Variants in C3orf70 observed in about 807,000 individuals in gnomAD.
C3orf70 encodes the protein UPF0524 protein C3orf70.
Under a neutral mutation model 20.7 loss-of-function variants are expected in C3orf70, and 15 were observed. That is an observed-to-expected ratio of 0.72 (90% CI 0.48 to 1.11). C3orf70 has a LOEUF of 1.11. Among genes scored for constraint, C3orf70 ranks in the 50% most tolerant of loss-of-function variants. The probability of loss-of-function intolerance (pLI) is 0.00; values close to 1 mark genes in which losing one functional copy is unlikely to be tolerated. For missense variants in C3orf70, 332 were observed against 317.6 expected, an observed-to-expected ratio of 1.05 and a Z score of -0.34; for synonymous variants, 161 against 125.7, an observed-to-expected ratio of 1.28 and a Z score of -1.88.
At chr3:185,137,975 G>A (rs1716661579) in intron 1 of C3orf70, among the ~76,000 whole-genome samples, 1 of 152,086 alleles carries the variant, frequency 6.6e-6, no homozygotes, top group Non-Finnish European at 1.5e-5. Context: ...TCTTTTAAAA[G>A]GTCAATGAAG....
chr3:185,100,187 G>A (rs145154937), intron 1 of C3orf70, among the ~76,000 whole-genome samples: 36 of 152,210 alleles, frequency 2.4e-4, no homozygotes, highest in African/African-American at 8.2e-4. Flanking sequence ...CTCAGTAGTG[G>A]ATCAAATGGA....
intron 1 of C3orf70, among the ~76,000 whole-genome samples, chr3:185,114,548 T>C (rs1716138501): frequency 6.6e-6 from 1 of 152,176 alleles, no homozygotes. Context: ...CTAAAATGTT[T>C]CCATTAAAAG....
chr3:185,117,056 C>T (rs1469689195), intron 1 of C3orf70, among the ~76,000 whole-genome samples: 1 of 152,172 alleles, frequency 6.6e-6, no homozygotes, highest in Middle Eastern at 3.2e-3. Flanking sequence ...GCTGGGATTA[C>T]AGGCGTGAGC....
In C3orf70 at chr3:185,083,384, T is replaced by C. The variant is rs759364666; in HGVS notation, c.376A>G (p.Ile126Val). Reference sequence around the variant, plus strand: ...TAGTTGTCAATAAAAAGGTCTGAAATCATACAGTACCTCGGTGAGTCAGGG... The same window carrying C: ...TAGTTGTCAATAAAAAGGTCTGAAACCATACAGTACCTCGGTGAGTCAGGG... ...LPPDSPRYCM[I>V]SDLFIDNYQV... Residue 126 changes from isoleucine (I) to valine (V), a missense_variant, in exon 2 of 2, where the codon ATT (isoleucine) becomes GTT (valine). By Grantham distance (29) the Ile-to-Val change is conservative (BLOSUM62 3). Coordinates refer to ENST00000335012, the MANE Select transcript of C3orf70 (RefSeq NM_001025266.3). 1.9e-6 allele frequency: 3 copies of C among 1,614,142 alleles called. No individual in the cohort carries two copies. Among genetic ancestry groups the C allele is most frequent in the Non-Finnish European group, 2.5e-6 (3 of 1,180,032 alleles).
chr3:185,110,402 C>T (rs1392110566), intron 1 of C3orf70, among the ~76,000 whole-genome samples: 4 of 152,324 alleles, frequency 2.6e-5, no homozygotes, highest in South Asian at 4.1e-4. Context: ...ATTTCAATGA[C>T]GATTGTGCTT....
intron 1 of C3orf70, among the ~76,000 whole-genome samples, chr3:185,090,164 C>T (rs1416803106): frequency 6.6e-6 from 1 of 152,124 alleles, no homozygotes; most frequent in Non-Finnish European, 1.5e-5. Context: ...CATTCTCTGC[C>T]CTTAACTTCA....
chr3:185,085,677 A>G (rs971243129), intron 1 of C3orf70, among the ~76,000 whole-genome samples: 2 of 142,330 alleles, frequency 1.4e-5, no homozygotes, highest in Admixed American at 6.8e-5. Context: ...GGTAATTACT[A>G]CTTGTCAGGC....
At chr3:185,135,404 T>C (rs972730541) in intron 1 of C3orf70, among the ~76,000 whole-genome samples, 4 of 152,114 alleles carry the variant, frequency 2.6e-5, no homozygotes, top group African/African-American at 9.7e-5. Flanking sequence ...GCAGAAAACC[T>C]GAGGCCAGGA....
chr3:185,105,340 G>A (rs1026209209), intron 1 of C3orf70, among the ~76,000 whole-genome samples: 2 of 152,310 alleles, frequency 1.3e-5, no homozygotes, highest in South Asian at 4.1e-4. Context: ...CGGGAATGAG[G>A]GCAAGGAACA....
rs949445998 is a variant in C3orf70 at position 185,079,266 on chromosome 3, G to C, written c.*3741C>G. On this transcript the variant is annotated 3_prime_UTR_variant, in exon 2 of 2. Coordinates refer to ENST00000335012, the MANE Select transcript of C3orf70 (RefSeq NM_001025266.3). Reference sequence around the variant, plus strand: ...ACTGCACTCCAGCCTGGGTGAAGGAGCGAGACTCTGTCTCAAAAAAAAAAA... The same window carrying C: ...ACTGCACTCCAGCCTGGGTGAAGGACCGAGACTCTGTCTCAAAAAAAAAAA... The C allele has an allele frequency of 2.5e-5, 3 of 119,126 alleles. No homozygotes were observed. The highest frequency in any genetic ancestry group is 8.2e-5 in the Admixed American group (1 of 12,264). The allele number at this position is 119,126 out of a possible 1,614,324, so 7.4% of individuals were successfully genotyped here.
At chr3:185,099,900 G>A (rs756722935) in intron 1 of C3orf70, among the ~76,000 whole-genome samples, 1 of 152,152 alleles carries the variant, frequency 6.6e-6, no homozygotes, top group Non-Finnish European at 1.5e-5. Flanking sequence ...AGAAAAAGCA[G>A]GGGATGCAAC....
intron 1 of C3orf70, among the ~76,000 whole-genome samples, chr3:185,120,033 A>AAAAAAAGAAAAAGAAAAAAAAAGAAAG (rs55921240): frequency 3.9e-4 from 39 of 100,766 alleles, no homozygotes; most frequent in African/African-American, 1.8e-3. Flanking sequence ...AAAAAAAAAA[A>AAAAAAAGAAAAAGAAAAAAAAAGAAAG]AAAAAGAAAA....
chr3:185,141,830 ACACAC>A (rs1347786439), intron 1 of C3orf70, among the ~76,000 whole-genome samples: 1 of 149,040 alleles, frequency 6.7e-6, no homozygotes, highest in Non-Finnish European at 1.5e-5. Flanking sequence ...ACACACACAC[ACACAC>A]ATTTCCTAAA....
At chr3:185,105,522 A>G (rs1715915835) in intron 1 of C3orf70, among the ~76,000 whole-genome samples, 1 of 152,258 alleles carries the variant, frequency 6.6e-6, no homozygotes, top group Non-Finnish European at 1.5e-5. Context: ...AGTTAAGTTA[A>G]TATCTACAGA....
intron 1 of C3orf70, among the ~76,000 whole-genome samples, chr3:185,095,956 C>T (rs576244209): frequency 1.2e-4 from 19 of 152,078 alleles, no homozygotes; most frequent in South Asian, 4.2e-4. Context: ...AGGATGGTCT[C>T]GATCTCCTGA....
chr3:185,108,699 A>G (rs1715997945), intron 1 of C3orf70, among the ~76,000 whole-genome samples: 1 of 152,252 alleles, frequency 6.6e-6, no homozygotes, highest in Non-Finnish European at 1.5e-5. Context: ...TAAAGCTATT[A>G]TCCAGTGATG....
At chr3:185,102,861 G>C (rs574499900) in intron 1 of C3orf70, among the ~76,000 whole-genome samples, 38 of 152,318 alleles carry the variant, frequency 2.5e-4, no homozygotes, top group Middle Eastern at 3.4e-3. Context: ...ATATGCAGAA[G>C]ACTGAATAAA....
intron 1 of C3orf70, among the ~76,000 whole-genome samples, chr3:185,091,616 G>A (rs1715570915): frequency 6.6e-6 from 1 of 151,718 alleles, no homozygotes; most frequent in South Asian, 2.1e-4. Flanking sequence ...GAGCCCAGGG[G>A]AGTTAGGACA....
At chr3:185,114,977 C>A (rs750065555) in intron 1 of C3orf70, among the ~76,000 whole-genome samples, 1 of 152,214 alleles carries the variant, frequency 6.6e-6, no homozygotes, top group Non-Finnish European at 1.5e-5. Flanking sequence ...TTCACTCAAA[C>A]GCTCTGGTTT....
Sources: allele counts gnomAD v4.1 joint callset (sites outside exome capture counted in the v4.1 genomes callset), GRCh38; gene constraint gnomAD v4.1.1; transcripts MANE v1.5; gene names NCBI Gene and HGNC (gene_info 2026-07-23, HGNC 2026-07-21).